CENPO: variants seen among roughly 807,000 people sequenced by gnomAD.
CENPO encodes centromeric protein O.
Under a neutral mutation model 36.1 loss-of-function variants are expected in CENPO, and 30 were observed. That is an observed-to-expected ratio of 0.83 (90% CI 0.62 to 1.13). CENPO has a LOEUF of 1.13. CENPO is among the 50% of genes most tolerant of loss of function. The probability of loss-of-function intolerance (pLI) is 0.00; values close to 1 mark genes in which losing one functional copy is unlikely to be tolerated. For missense variants in CENPO, 349 were observed against 357.8 expected, an observed-to-expected ratio of 0.98 and a Z score of 0.20; for synonymous variants, 171 against 142.3, an observed-to-expected ratio of 1.20 and a Z score of -1.44.
rs1667449591 is a variant in CENPO, at chr2:24,820,484, T to C, written c.*1166T>C. The C allele has an allele frequency of 3.6e-6, 5 of 1,395,144 alleles. No individual in the cohort carries two copies. The highest frequency in any genetic ancestry group is 3.7e-6 in the Non-Finnish European group (4 of 1,076,576). 86.4% of individuals were successfully genotyped at this position (1,395,144 alleles called of 1,614,324 possible). On this transcript the variant is annotated 3_prime_UTR_variant, in exon 8 of 8. Transcript: ENST00000380834. Reference sequence around the variant, plus strand: ...AGATCACAAGGTATTAGAAGGTTCATACCCAAAGGTAGGCCATATGCATCT... The same window carrying C: ...AGATCACAAGGTATTAGAAGGTTCACACCCAAAGGTAGGCCATATGCATCT...
intron 3 of CENPO, among the ~76,000 whole-genome samples, chr2:24,803,530 C>T (rs1334862380): frequency 6.6e-6 from 1 of 152,008 alleles, no homozygotes; most frequent in Non-Finnish European, 1.5e-5. Flanking sequence ...TATGTTGTGT[C>T]TTTGTTCTCG....
In CENPO at chr2:24,819,864, G is replaced by A. The variant is rs1392723441; in HGVS notation, c.*546G>A. 21 of 1,524,256 alleles carry A rather than the reference G, an allele frequency of 1.4e-5. No individual in the cohort carries two copies. Among genetic ancestry groups the A allele is most frequent in the East Asian group, 7.0e-5 (3 of 43,008 alleles). 94.4% of individuals were successfully genotyped at this position (1,524,256 alleles called of 1,614,324 possible). A position where few individuals can be genotyped will look rare whatever the true frequency, so the allele number is the denominator to read the frequency against. ...GTGTGCACTTCAATCCAGGAAGGTC[G>A]GGACTTCCTTCAGTTTCAAAAAATA... On this transcript the variant is annotated 3_prime_UTR_variant, in exon 8 of 8. Coordinates refer to ENST00000380834, the MANE Select transcript of CENPO (RefSeq NM_001322101.2).
chr2:24,820,785 C>T lies in CENPO; in HGVS notation c.*1467C>T. Reference sequence around the variant, plus strand: ...GCTGGCTACATTGACTGTATTGCCCCAGATGTCGTAGTGTGGTTTCCGGGC... The same window carrying T: ...GCTGGCTACATTGACTGTATTGCCCTAGATGTCGTAGTGTGGTTTCCGGGC... On this transcript the variant is annotated 3_prime_UTR_variant, in exon 8 of 8. Transcript: ENST00000380834. 1.2e-6 allele frequency: 2 copies of T among 1,614,122 alleles called. No homozygotes were observed. Among genetic ancestry groups the T allele is most frequent in the Non-Finnish European group, 1.7e-6 (2 of 1,180,004 alleles).
At chr2:24,807,508 A>G (rs372554646) in intron 3 of CENPO, among the ~76,000 whole-genome samples, 2 of 152,180 alleles carry the variant, frequency 1.3e-5, no homozygotes, top group African/African-American at 2.4e-5. Flanking sequence ...TTTTATGAGT[A>G]TACTACATTT....
rs146553503 is a variant in CENPO at position 24,820,741 on chromosome 2, C to T, written c.*1423C>T. Reference sequence around the variant, plus strand: ...GGACATACCTGAATGTTGCCCATGACCCCCGTGGACTCCATCCTGCTGGCT... The same window carrying T: ...GGACATACCTGAATGTTGCCCATGATCCCCGTGGACTCCATCCTGCTGGCT... On this transcript the variant is annotated 3_prime_UTR_variant, in exon 8 of 8. Coordinates refer to ENST00000380834, the MANE Select transcript of CENPO (RefSeq NM_001322101.2). 1.2e-3 allele frequency: 1,907 copies of T among 1,613,972 alleles called. 1 individual carries two copies. The highest frequency in any genetic ancestry group is 1.4e-3 in the Non-Finnish European group (1,635 of 1,180,002).
intron 3 of CENPO, among the ~76,000 whole-genome samples, chr2:24,807,235 A>C (rs888842862): frequency 2.0e-5 from 3 of 152,116 alleles, no homozygotes; most frequent in African/African-American, 7.2e-5. Flanking sequence ...AGTATAGAGC[A>C]TTACCAACAC....
At chr2:24,798,727 T>G (rs1242506888) in intron 2 of CENPO, among the ~76,000 whole-genome samples, 1 of 152,168 alleles carries the variant, frequency 6.6e-6, no homozygotes, top group African/African-American at 2.4e-5. Flanking sequence ...CCCAAAGTGC[T>G]GGGATTACAG....
chr2:24,794,786 T>C (rs572841687), intron 2 of CENPO, among the ~76,000 whole-genome samples: 3 of 152,358 alleles, frequency 2.0e-5, no homozygotes, highest in South Asian at 4.1e-4. Flanking sequence ...TTGCTACTAA[T>C]ACTTTTTAGA....
intron 3 of CENPO, among the ~76,000 whole-genome samples, chr2:24,805,804 C>G (rs913168259): frequency 1.3e-5 from 2 of 152,246 alleles, no homozygotes; most frequent in African/African-American, 4.8e-5. Context: ...TCTGTCTGTT[C>G]TCAGACCTCC....
At chr2:24,810,504 G>GTT (rs35287429) in intron 3 of CENPO, among the ~76,000 whole-genome samples, 103 of 114,072 alleles carry the variant, frequency 9.0e-4, no homozygotes, top group African/African-American at 2.0e-3. Context: ...GCAGGTTAAG[G>GTT]TTTTTTTTTT....
intron 3 of CENPO, among the ~76,000 whole-genome samples, chr2:24,807,677 CATAGG>C (rs1267095605): frequency 6.6e-6 from 1 of 152,124 alleles, no homozygotes; most frequent in Non-Finnish European, 1.5e-5. Context: ...ATTGTTGGTT[CATAGG>C]ATATGCATGT....
rs1186195635 is a variant in CENPO at position 24,820,698 on chromosome 2, C to T, written c.*1380C>T. The T allele has an allele frequency of 7.4e-6, 12 of 1,613,300 alleles. No individual in the cohort carries two copies. Among genetic ancestry groups the T allele is most frequent in the African/African-American group, 2.7e-5 (2 of 74,896 alleles). ...TTTGTTCTCATGCCGAGTCTGAGCA[C>T]GTGCCAGCTGTGCCACTGGACATAC... On this transcript the variant is annotated 3_prime_UTR_variant, in exon 8 of 8. Transcript: ENST00000380834.
At chr2:24,813,550 G>T (rs1447452675) in intron 3 of CENPO, among the ~76,000 whole-genome samples, 2 of 151,972 alleles carry the variant, frequency 1.3e-5, no homozygotes, top group South Asian at 2.1e-4. Context: ...GCTTCTTTCC[G>T]TTTGGTTTCT....
rs1253956229 is a variant in CENPO, at chr2:24,807,086, A to G, written c.216+7242A>G. On this transcript the variant is annotated intron_variant, in intron 3 of 7. Transcript: ENST00000380834. ...TTGCTCTGCTCAAAAGCCGTCAACA[A>G]CCCTTCATTGCCCATTGGATATCAG... Among the ~76,000 whole-genome samples, 3 of 152,056 alleles carry G rather than the reference A, an allele frequency of 2.0e-5. No individual in the cohort carries two copies. In the East Asian group the frequency reaches 5.8e-4, roughly 29 times the overall value.
rs549860034 is a variant in CENPO at position 24,821,280 on chromosome 2, T to C, written c.*1962T>C. ...CACTTCTCAGCCAGGCAGGCCAAGCTTCTATTGTAACAGTAGGCACAGTAT... is the reference window on the plus strand; with the variant it reads ...CACTTCTCAGCCAGGCAGGCCAAGCCTCTATTGTAACAGTAGGCACAGTAT... On this transcript the variant is annotated 3_prime_UTR_variant, in exon 8 of 8. Transcript: ENST00000380834. 3.6e-5 allele frequency: 19 copies of C among 534,516 alleles called. No homozygotes were observed. The South Asian group carries it at 4.9e-4, about 14-fold the overall frequency. 33.1% of individuals were successfully genotyped at this position (534,516 alleles called of 1,614,324 possible). A position where few individuals can be genotyped will look rare whatever the true frequency, so the allele number is the denominator to read the frequency against.
chr2:24,793,666 G>C, intron 1 of CENPO, 165 bp downstream of exon 1: 3 of 1,179,924 alleles, frequency 2.5e-6, no homozygotes, highest in Non-Finnish European at 3.5e-6. Flanking sequence ...GGATGGGCGC[G>C]GGGGTGGGCA....
rs1473245501 is a variant in CENPO, at chr2:24,816,620, TTCGTTTTGTTCCTCACCCC to T, written c.595-23_595-5del. The T allele has an allele frequency of 6.4e-7, 1 of 1,550,410 alleles. No individual in the cohort carries two copies. On this transcript the variant is annotated splice_region_variant and splice_polypyrimidine_tract_variant and intron_variant, in intron 5 of 7. Transcript: ENST00000380834. ...CTTTGGAACTGCAGTCATCCTCTAC[TTCGTTTTGTTCCTCACCCC>T]TCTTAGAGTGACTTTGCAGCCCTCC...
intron 2 of CENPO, 39 bp downstream of exon 2, chr2:24,794,004 A>G: frequency 1.3e-6 from 2 of 1,493,500 alleles, no homozygotes; most frequent in Non-Finnish European, 1.9e-6. Flanking sequence ...GCTGCTGCCC[A>G]AAGATGACCC....
chr2:24,804,857 A>G (rs753861670), intron 3 of CENPO, among the ~76,000 whole-genome samples: 5 of 152,182 alleles, frequency 3.3e-5, no homozygotes, highest in Non-Finnish European at 7.3e-5. Flanking sequence ...TAGTTCCTGA[A>G]TATGAATATT....
Sources: allele counts gnomAD v4.1 joint callset (sites outside exome capture counted in the v4.1 genomes callset), GRCh38; gene constraint gnomAD v4.1.1; transcripts MANE v1.5; gene names NCBI Gene and HGNC (gene_info 2026-07-23, HGNC 2026-07-21).